PEAK1: variants seen among roughly 807,000 people sequenced by gnomAD.
PEAK1 encodes the protein inactive tyrosine-protein kinase PEAK1.
A neutral mutation model predicts 124.7 loss-of-function variants in PEAK1; 54 were observed. The ratio of observed to expected loss-of-function variants is 0.43; its 90% CI spans 0.35 to 0.54. The LOEUF is 0.54. Ranked by LOEUF, PEAK1 falls within the 20% of genes least tolerant of loss-of-function variation. The pLI is 0.01. For synonymous variants in PEAK1, 719 were observed against 760.0 expected (o/e 0.95, Z 0.89); for missense variants, 2,046 against 2,134.5 (o/e 0.96, Z 0.82).
chr15:77,284,008 A>G lies in PEAK1; in HGVS notation c.-400T>C. 1.0e-6 allele frequency: 1 copy of G among 985,234 alleles called. No homozygotes were observed. Among genetic ancestry groups the G allele is most frequent in the South Asian group, 4.7e-5 (1 of 21,288 alleles). The allele number at this position is 985,234 out of a possible 1,614,324, so 61.0% of individuals were successfully genotyped here. ...TCACTTTCTCACAAAATGGTACTTC[A>G]TTGAAGGATGTAATTAGTCTCACTA... On this transcript the variant is annotated 5_prime_UTR_variant, in exon 5 of 10. The change abolishes an upstream ATG in the 5' untranslated region. Coordinates refer to ENST00000682557, the MANE Select transcript of PEAK1 (RefSeq NM_001385026.1).
intron 2 of PEAK1, among the ~76,000 whole-genome samples, chr15:77,293,668 G>A: frequency 6.6e-6 from 1 of 152,254 alleles, no homozygotes; most frequent in South Asian, 2.1e-4. Flanking sequence ...TACTAAGAGA[G>A]AAAGTGCAAG....
chr15:77,370,927 G>A (rs956552304), intron 1 of PEAK1: 37 of 425,664 alleles, frequency 8.7e-5, no homozygotes, highest in African/African-American at 8.0e-4. Context: ...CTACTCAGGA[G>A]GCTGAGGTAG....
intron 1 of PEAK1, among the ~76,000 whole-genome samples, chr15:77,393,551 G>A (rs569323751): frequency 1.3e-5 from 2 of 152,296 alleles, no homozygotes; most frequent in Admixed American, 6.5e-5. Context: ...CTGCCTTGAA[G>A]GGAAGGACCC....
At chr15:77,238,454 T>G (rs2060217794) in intron 6 of PEAK1, among the ~76,000 whole-genome samples, 1 of 152,186 alleles carries the variant, frequency 6.6e-6, no homozygotes. Flanking sequence ...CTGAGGACAG[T>G]AATTATATTT....
intron 5 of PEAK1, among the ~76,000 whole-genome samples, chr15:77,281,311 GA>G (rs2062661401): frequency 6.6e-6 from 1 of 152,090 alleles, no homozygotes; most frequent in Non-Finnish European, 1.5e-5. Context: ...CTGGAGAAAA[GA>G]AAGTAAGCCA....
At chr15:77,257,306 A>T (rs537456074) in intron 5 of PEAK1, among the ~76,000 whole-genome samples, 71 of 151,140 alleles carry the variant, frequency 4.7e-4, no homozygotes, top group African/African-American at 1.7e-3. Flanking sequence ...CGCCACACTG[A>T]CTTCCACAAT....
intron 6 of PEAK1, among the ~76,000 whole-genome samples, chr15:77,238,424 C>A (rs1469808986): frequency 2.0e-5 from 3 of 151,996 alleles, no homozygotes; most frequent in Non-Finnish European, 4.4e-5. Flanking sequence ...TTGATGAATG[C>A]AGTGTCATCC....
At chr15:77,278,455 C>T (rs893929310) in intron 5 of PEAK1, 5 of 466,856 alleles carry the variant, frequency 1.1e-5, no homozygotes, top group African/African-American at 8.0e-5. Context: ...CCTACCACAT[C>T]GCCAGCACCA....
At chr15:77,364,834 T>C (rs992051108) in intron 2 of PEAK1, among the ~76,000 whole-genome samples, 5 of 152,242 alleles carry the variant, frequency 3.3e-5, no homozygotes, top group Non-Finnish European at 7.3e-5. Context: ...ATTTAACTAA[T>C]GGAAGACTTG....
At chr15:77,103,817 GT>G (rs1186306715), downstream of PEAK1, 1 of 152,294 alleles carries the variant, frequency 6.6e-6, no homozygotes, top group Non-Finnish European at 1.5e-5. Flanking sequence ...GAGAGGAAAT[GT>G]CTCAAAGACG....
chr15:77,285,359 T>C (rs2062870935), intron 3 of PEAK1, among the ~76,000 whole-genome samples: 1 of 152,208 alleles, frequency 6.6e-6, no homozygotes, highest in African/African-American at 2.4e-5. Flanking sequence ...GAATAGAGAA[T>C]ACTCTCCCCC....
At chr15:77,354,996 G>A (rs1416452100) in intron 2 of PEAK1, among the ~76,000 whole-genome samples, 11 of 151,420 alleles carry the variant, frequency 7.3e-5, no homozygotes, top group Middle Eastern at 6.8e-3. Flanking sequence ...CCAAGATAGC[G>A]CCACTGCACT....
rs1358693880 is a variant in PEAK1, at chr15:77,157,116, A to G, written c.3331+1387T>C. On this transcript the variant is annotated intron_variant, in intron 8 of 9. Transcript: ENST00000682557. ...AAGTATTATCTCCCACAGTGTTACC[A>G]TAATTTTCTGGCCTTCTTAGGGACT... 7 of 152,368 alleles carry G rather than the reference A, an allele frequency of 4.6e-5. No homozygotes were observed. The East Asian group carries it at 1.2e-3, about 25-fold the overall frequency. The allele number at this position is 152,368 out of a possible 1,614,324, so 9.4% of individuals were successfully genotyped here. A position where few individuals can be genotyped will look rare whatever the true frequency, so the allele number is the denominator to read the frequency against.
intron 1 of PEAK1, chr15:77,402,320 G>T: frequency 2.0e-6 from 2 of 985,286 alleles, no homozygotes; most frequent in Non-Finnish European, 2.4e-6. Flanking sequence ...GGGGAGAAAA[G>T]GAGATCAAGG....
intron 6 of PEAK1, among the ~76,000 whole-genome samples, chr15:77,235,615 T>A (rs2060086010): frequency 6.6e-6 from 1 of 152,234 alleles, no homozygotes; most frequent in East Asian, 1.9e-4. Context: ...GACAAACCCA[T>A]TTTCTGGGAA....
intron 2 of PEAK1, among the ~76,000 whole-genome samples, chr15:77,291,410 ATTTC>A (rs1314800527): frequency 1.3e-5 from 2 of 152,104 alleles, no homozygotes; most frequent in African/African-American, 4.8e-5. Flanking sequence ...TATAAAATAA[ATTTC>A]TTTAAGAGAA....
At chr15:77,115,866 CTAACT>C (rs1419386627) in intron 9 of PEAK1, among the ~76,000 whole-genome samples, 1 of 152,122 alleles carries the variant, frequency 6.6e-6, no homozygotes, top group Non-Finnish European at 1.5e-5. Context: ...GTGGGTTTTC[CTAACT>C]TTTCAATGAA....
At chr15:77,229,087 C>G (rs1414680531) in intron 6 of PEAK1, among the ~76,000 whole-genome samples, 1 of 152,040 alleles carries the variant, frequency 6.6e-6, no homozygotes, top group African/African-American at 2.4e-5. Flanking sequence ...CCAGGCAGTC[C>G]CCTAGAAAAC....
intron 4 of PEAK1, among the ~76,000 whole-genome samples, chr15:77,284,602 C>A (rs2062827863): frequency 6.6e-6 from 1 of 152,064 alleles, no homozygotes; most frequent in African/African-American, 2.4e-5. Flanking sequence ...CTTTTTCAAA[C>A]TGGTTACAAT....
Sources: gnomAD v4.1 joint callset for allele counts (sites outside exome capture counted in the v4.1 genomes callset) on GRCh38, gnomAD v4.1.1 for gene constraint, MANE v1.5 for transcripts, NCBI Gene and HGNC (gene_info 2026-07-23, HGNC 2026-07-21) for gene names.